STON2: variants seen among roughly 807,000 people sequenced by gnomAD.
STON2 encodes stonin-2.
A neutral mutation model predicts 65.7 loss-of-function variants in STON2; 29 were observed. The observed-to-expected ratio is 0.44, with a 90% CI of 0.33 to 0.60. The LOEUF is 0.60. STON2 is among the 20% of genes least tolerant of loss of function. The pLI is 0.03. For synonymous variants in STON2, 404 were observed against 414.2 expected (o/e 0.98, Z 0.30); for missense variants, 1,054 against 1,118.1 (o/e 0.94, Z 0.82).
At chr14:81,303,396 A>C (rs911945376) in intron 5 of STON2, among the ~76,000 whole-genome samples, 15 of 152,190 alleles carry the variant, frequency 9.9e-5, no homozygotes, top group Admixed American at 2.0e-4. Flanking sequence ...GGCTATGACT[A>C]AGCACAGAAA....
intron 5 of STON2, among the ~76,000 whole-genome samples, chr14:81,310,153 G>C (rs1290023000): frequency 6.6e-6 from 1 of 152,182 alleles, no homozygotes; most frequent in Non-Finnish European, 1.5e-5. Context: ...AGACAACGGT[G>C]TAAGTCACCC....
intron 2 of STON2, among the ~76,000 whole-genome samples, chr14:81,415,392 G>C (rs1398357886): frequency 1.3e-5 from 2 of 151,990 alleles, no homozygotes; most frequent in Non-Finnish European, 2.9e-5. Context: ...TCTTTCTGAC[G>C]TCTGAGACTG....
In STON2 at chr14:81,413,520, G is replaced by T. The variant is rs1418714350; in HGVS notation, c.-199+13582C>A. The stretch of plus-strand genomic sequence containing the variant: ...TTTAAAAAATAAATCTGTTGGCCGG[G>T]CGCAGTGGCTCATGCCTGTAATCTC... On this transcript the variant is annotated intron_variant, in intron 2 of 8. Coordinates refer to the STON2 transcript ENST00000553821. Among the ~76,000 whole-genome samples the T allele has an allele frequency of 1.4e-5, 2 of 140,022 alleles. 1 individual carries two copies. Among genetic ancestry groups the T allele is most frequent in the African/African-American group, 5.9e-5 (2 of 34,114 alleles). 91.9% of individuals were successfully genotyped at this position (140,022 alleles called of 152,430 possible).
At chr14:81,340,545 G>A (rs1338152118) in intron 4 of STON2, among the ~76,000 whole-genome samples, 1 of 152,180 alleles carries the variant, frequency 6.6e-6, no homozygotes, top group Non-Finnish European at 1.5e-5. Context: ...TGTCTTGTGA[G>A]TATTTGTGTC....
intron 5 of STON2, among the ~76,000 whole-genome samples, chr14:81,304,649 G>T (rs2140192785): frequency 6.6e-6 from 1 of 152,202 alleles, no homozygotes; most frequent in African/African-American, 2.4e-5. Context: ...AATTGCTTGA[G>T]CCTGGGAGGC....
At position 81,365,337 on chromosome 14, in the gene STON2, C is replaced by T. The variant is rs1205379770; in HGVS notation, c.571+5651G>A. 1.1e-4 allele frequency among the ~76,000 whole-genome samples: 16 copies of T among 152,174 alleles called. 1 individual carries two copies. ...CCACCACCTGCAATCTCAAGCTATA[C>T]ATTCAAGGGTACATTAAACAATTAT... On this transcript the variant is annotated intron_variant, in intron 4 of 7. Transcript: ENST00000614646.
At chr14:81,409,418 A>T (rs1901041504) in intron 2 of STON2, among the ~76,000 whole-genome samples, 1 of 98,202 alleles carries the variant, frequency 1.0e-5, no homozygotes, top group Admixed American at 1.0e-4. Flanking sequence ...AAAAAATAAA[A>T]ATAAATATAA....
At chr14:81,328,233 G>A (rs1897071053) in intron 4 of STON2, among the ~76,000 whole-genome samples, 1 of 152,050 alleles carries the variant, frequency 6.6e-6, no homozygotes, top group Admixed American at 6.5e-5. Flanking sequence ...AGCTGATGGT[G>A]GCTTTAATAG....
At chr14:81,400,809 T>C (rs768261827), upstream of STON2, among the ~76,000 whole-genome samples, 1 of 152,174 alleles carries the variant, frequency 6.6e-6, no homozygotes, top group Non-Finnish European at 1.5e-5. Flanking sequence ...TGGAGTCCTA[T>C]ACAGTCGTGG....
intron 5 of STON2, among the ~76,000 whole-genome samples, chr14:81,292,448 G>A (rs569159939): frequency 6.6e-6 from 1 of 152,274 alleles, no homozygotes; most frequent in South Asian, 2.1e-4. Flanking sequence ...CTTGTCATTG[G>A]AGGGACCTGG....
At position 81,261,850 on chromosome 14, in the gene STON2, C is replaced by A. The variant is rs17111619; in HGVS notation, c.*6564G>T. 85,973 of 1,533,146 alleles carry A rather than the reference C, an allele frequency of 0.056. 3,370 individuals carry two copies. The highest frequency in any genetic ancestry group is 0.19 in the Admixed American group (9,418 of 49,842). The allele number at this position is 1,533,146 out of a possible 1,614,324, so 95.0% of individuals were successfully genotyped here. Reference sequence around the variant, plus strand: ...GAAGCATTCCACCTGATCTTCACCACCCTCTTTGATCCTCTTTTTAAATCT... The same window carrying A: ...GAAGCATTCCACCTGATCTTCACCAACCTCTTTGATCCTCTTTTTAAATCT... On this transcript the variant is annotated 3_prime_UTR_variant, in exon 8 of 8. Transcript: ENST00000614646.
chr14:81,270,996 T>C, intron 6 of STON2, 124 bp from the exon 7 acceptor site: 1 of 1,315,720 alleles, frequency 7.6e-7, no homozygotes, highest in Non-Finnish European at 1.0e-6. Flanking sequence ...TTTCAGAGGG[T>C]CCAGTGTTGA....
intron 1 of STON2, among the ~76,000 whole-genome samples, chr14:81,429,907 C>A (rs1902156601): frequency 6.6e-6 from 1 of 151,688 alleles, no homozygotes; most frequent in Non-Finnish European, 1.5e-5. Context: ...TGCACTCCGG[C>A]CTGGGTGACA....
chr14:81,425,988 T>C (rs925655358), intron 2 of STON2, among the ~76,000 whole-genome samples: 1 of 152,238 alleles, frequency 6.6e-6, no homozygotes, highest in Admixed American at 6.5e-5. Context: ...CACATGTGAC[T>C]GTCACCACTC....
chr14:81,288,165 T>C (rs536009848), intron 5 of STON2, among the ~76,000 whole-genome samples: 2 of 152,366 alleles, frequency 1.3e-5, no homozygotes, highest in East Asian at 3.9e-4. Context: ...TTATTTTATA[T>C]TGCCATAGCA....
chr14:81,329,472 A>G (rs1023966835), intron 4 of STON2, among the ~76,000 whole-genome samples: 28 of 142,772 alleles, frequency 2.0e-4, no homozygotes, highest in Non-Finnish European at 3.1e-4. Context: ...AAAAAAAAAA[A>G]GAGAGAGACA....
At chr14:81,288,083 T>C (rs1895409334) in intron 5 of STON2, among the ~76,000 whole-genome samples, 1 of 152,200 alleles carries the variant, frequency 6.6e-6, no homozygotes, top group Non-Finnish European at 1.5e-5. Context: ...TTCCTTAACA[T>C]TTTATATAAC....
chr14:81,377,711 T>C (rs1202133676), intron 3 of STON2, among the ~76,000 whole-genome samples: 1 of 152,214 alleles, frequency 6.6e-6, no homozygotes, highest in Non-Finnish European at 1.5e-5. Context: ...GTTATTCTAA[T>C]AGATGTGCAG....
intron 1 of STON2, among the ~76,000 whole-genome samples, chr14:81,434,796 A>C (rs1266597635): frequency 6.6e-6 from 1 of 152,188 alleles, no homozygotes; most frequent in East Asian, 1.9e-4. Context: ...CCAATTATTG[A>C]CTTTTCAGAT....
Sources: gnomAD v4.1 joint callset for allele counts (sites outside exome capture counted in the v4.1 genomes callset) on GRCh38, gnomAD v4.1.1 for gene constraint, MANE v1.5 for transcripts, NCBI Gene and HGNC (gene_info 2026-07-23, HGNC 2026-07-21) for gene names.